The following SEL1L2 variants were observed in gnomAD, a reference collection of about 807,000 sequenced individuals.
SEL1L2 encodes SEL1L2 adaptor subunit of SYVN1 ubiquitin ligase.
SEL1L2 carries 89 observed loss-of-function variants against 98.8 expected under a neutral mutation model. That is an observed-to-expected ratio of 0.90 (90% CI 0.76 to 1.07). SEL1L2 has a LOEUF of 1.07. Ranked by LOEUF, SEL1L2 falls within the 50% of genes least tolerant of loss-of-function variation. The pLI is 0.00. For synonymous variants in SEL1L2, 262 were observed against 278.5 expected (o/e 0.94, Z 0.59); for missense variants, 788 against 812.0 (o/e 0.97, Z 0.36).
chr20:13,929,487 C>CTTTATTT (rs2049037130), intron 3 of SEL1L2, among the ~76,000 whole-genome samples: 8 of 73,316 alleles, frequency 1.1e-4, no homozygotes, highest in African/African-American at 4.5e-4. Flanking sequence ...TTGCCTTTGC[C>CTTTATTT]TTTTTTTTTT....
At chr20:13,951,428 C>T (rs1393047639) in intron 2 of SEL1L2, among the ~76,000 whole-genome samples, 9 of 137,536 alleles carry the variant, frequency 6.5e-5, no homozygotes, top group Admixed American at 2.9e-4. Flanking sequence ...AGTGAAACCC[C>T]GTCTCTACTA....
chr20:13,896,221 C>G (rs2047417346), intron 5 of SEL1L2, among the ~76,000 whole-genome samples: 1 of 152,064 alleles, frequency 6.6e-6, no homozygotes, highest in African/African-American at 2.4e-5. Flanking sequence ...CCTGTAATCC[C>G]AGCCCTTGGG....
chr20:13,901,965 C>T (rs1170697773), intron 5 of SEL1L2, among the ~76,000 whole-genome samples: 3 of 152,044 alleles, frequency 2.0e-5, no homozygotes. Flanking sequence ...CCCTGGCCTT[C>T]ATACTTACTT....
chr20:13,940,025 T>C (rs180787448), intron 2 of SEL1L2, among the ~76,000 whole-genome samples: 28 of 152,302 alleles, frequency 1.8e-4, no homozygotes, highest in African/African-American at 6.3e-4. Context: ...TCAATACATT[T>C]ATGCTAGGCA....
At chr20:13,949,697 C>A (rs1051782885) in intron 2 of SEL1L2, among the ~76,000 whole-genome samples, 131 of 140,896 alleles carry the variant, frequency 9.3e-4, no homozygotes, top group Middle Eastern at 3.6e-3. Context: ...ACAAAAAAAA[C>A]CAAACAAACA....
chr20:13,862,059 C>T (rs1990225633), intron 17 of SEL1L2, among the ~76,000 whole-genome samples: 1 of 152,194 alleles, frequency 6.6e-6, no homozygotes, highest in Admixed American at 6.5e-5. Flanking sequence ...AGGGCAGGTA[C>T]TTCATGAGGA....
rs2046416937 is a variant in SEL1L2, at chr20:13,876,110, A to G, written c.1032T>C (p.Tyr344=). Residue 344 remains tyrosine (Y), a synonymous_variant, in exon 12 of 20, where the codon TAT becomes TAC. Coordinates refer to ENST00000284951, the MANE Select transcript of SEL1L2 (RefSeq NM_025229.2). ...GCGGCACGGCAGCATTCCCCTCTAA[A>G]TACATCTAGGAAGAAAAATGAAAAG... ...ANAMAFIGKM[Y]LEGNAAVPQN... The G allele has an allele frequency of 6.2e-7, 1 of 1,611,486 alleles. No individual in the cohort carries two copies. Among genetic ancestry groups the G allele is most frequent in the African/African-American group, 1.3e-5 (1 of 75,016 alleles).
At chr20:13,877,388 G>A in intron 11 of SEL1L2, 132 bp downstream of exon 11, 1 of 623,668 alleles carries the variant, frequency 1.6e-6, no homozygotes, top group Non-Finnish European at 2.8e-6. Context: ...GCCCAGGCTG[G>A]TTGCCTGTGC....
In SEL1L2 at chr20:13,899,278, T is replaced by C. The variant is rs139828864; in HGVS notation, c.550-10766A>G. Reference sequence around the variant, plus strand: ...GTATTCTTTTTTTTGTTTCTGATTTTAATATGGATGTCTGTTGTGGTTTGC... The same window carrying C: ...GTATTCTTTTTTTTGTTTCTGATTTCAATATGGATGTCTGTTGTGGTTTGC... On this transcript the variant is annotated intron_variant, in intron 5 of 19. Transcript: ENST00000284951. 2.2e-4 allele frequency among the ~76,000 whole-genome samples: 33 copies of C among 152,266 alleles called. No individual in the cohort carries two copies. The East Asian group carries it at 5.2e-3, about 24-fold the overall frequency.
At chr20:13,887,559 TA>T (rs2047013143) in intron 8 of SEL1L2, among the ~76,000 whole-genome samples, 1 of 152,030 alleles carries the variant, frequency 6.6e-6, no homozygotes, top group African/African-American at 2.4e-5. Context: ...TTAACAAAAA[TA>T]AAAAATGAGT....
intron 15 of SEL1L2, 140 bp from the exon 16 acceptor site, chr20:13,865,654 A>G: frequency 7.8e-6 from 5 of 639,918 alleles, no homozygotes; most frequent in Non-Finnish European, 1.3e-5. Context: ...TTTGCAAATT[A>G]TTTAGGGTAA....
At chr20:13,954,982 G>C (rs777272190) in intron 2 of SEL1L2, among the ~76,000 whole-genome samples, 17 of 152,110 alleles carry the variant, frequency 1.1e-4, no homozygotes, top group Non-Finnish European at 1.9e-4. Context: ...GTTTAGAAAA[G>C]GTTGCAATGT....
intron 12 of SEL1L2, among the ~76,000 whole-genome samples, chr20:13,871,618 T>G (rs1247612917): frequency 6.6e-6 from 1 of 152,060 alleles, no homozygotes; most frequent in Non-Finnish European, 1.5e-5. Context: ...TTCAAACTAT[T>G]CTCCTGCCTC....
At chr20:13,922,206 G>GAA (rs925663864) in intron 3 of SEL1L2, among the ~76,000 whole-genome samples, 7 of 152,096 alleles carry the variant, frequency 4.6e-5, no homozygotes, top group African/African-American at 1.7e-4. Flanking sequence ...AAATCTTGCT[G>GAA]AAAAGAGATT....
chr20:13,939,053 T>TTTTTTTTTTTTTA, intron 2 of SEL1L2, among the ~76,000 whole-genome samples: 1 of 139,616 alleles, frequency 7.2e-6, no homozygotes, highest in Non-Finnish European at 1.5e-5. Context: ...TTTTTTTTTT[T>TTTTTTTTTTTTTA]TTTTTTCTGA....
At chr20:13,918,083 G>A (rs941416568) in intron 4 of SEL1L2, among the ~76,000 whole-genome samples, 2 of 152,084 alleles carry the variant, frequency 1.3e-5, no homozygotes, top group African/African-American at 4.8e-5. Context: ...GAGCCACCGT[G>A]CTTGGCTAGG....
chr20:13,889,651 C>T (rs138453128), intron 5 of SEL1L2, among the ~76,000 whole-genome samples: 1,630 of 151,936 alleles, frequency 0.011, 32 homozygotes, highest in African/African-American at 0.037. Flanking sequence ...ATTAGCTGGG[C>T]GTGGTAGCGG....
At chr20:13,960,790 G>A (rs1458228948) in intron 1 of SEL1L2, among the ~76,000 whole-genome samples, 1 of 152,030 alleles carries the variant, frequency 6.6e-6, no homozygotes, top group Non-Finnish European at 1.5e-5. Context: ...AATCTACCGG[G>A]TACAGGAAGA....
chr20:13,856,122 C>A (rs1163022640), intron 18 of SEL1L2, among the ~76,000 whole-genome samples: 2 of 151,698 alleles, frequency 1.3e-5, no homozygotes, highest in East Asian at 3.9e-4. Flanking sequence ...CAAGTATCAA[C>A]TGAAAAACTG....
Sources: allele counts gnomAD v4.1 joint callset (sites outside exome capture counted in the v4.1 genomes callset), GRCh38; gene constraint gnomAD v4.1.1; transcripts MANE v1.5; gene names NCBI Gene and HGNC (gene_info 2026-07-23, HGNC 2026-07-21).